The following NKAIN3 variants were observed in gnomAD, a reference collection of about 807,000 sequenced individuals.
NKAIN3 encodes the protein sodium/potassium-transporting ATPase subunit beta-1-interacting protein 3.
A neutral mutation model predicts 30.2 loss-of-function variants in NKAIN3; 25 were observed. That is an observed-to-expected ratio of 0.83 (90% CI 0.60 to 1.16). The LOEUF is 1.16. NKAIN3 is among the 50% of genes most tolerant of loss of function. The pLI is 0.00. For synonymous variants in NKAIN3, 91 were observed against 89.6 expected (o/e 1.02, Z -0.09); for missense variants, 225 against 254.1 (o/e 0.89, Z 0.78).
intron 1 of NKAIN3, among the ~76,000 whole-genome samples, chr8:62,555,870 A>G (rs900689402): frequency 3.9e-5 from 6 of 152,112 alleles, no homozygotes; most frequent in African/African-American, 1.4e-4. Flanking sequence ...CCAGAAGAAA[A>G]TAGTCACTTC....
At chr8:62,330,135 G>A (rs1323510278) in intron 1 of NKAIN3, among the ~76,000 whole-genome samples, 2 of 152,026 alleles carry the variant, frequency 1.3e-5, no homozygotes, top group African/African-American at 2.4e-5. Flanking sequence ...AAGAGAAAGG[G>A]TGAGCCAAGG....
intron 1 of NKAIN3, chr8:62,474,086 T>C (rs1353291326): frequency 6.6e-6 from 1 of 152,182 alleles, no homozygotes; most frequent in Non-Finnish European, 1.5e-5. Flanking sequence ...TGTTGTGGTC[T>C]TCAGTCAGAT....
At chr8:62,340,855 G>A (rs1815718165) in intron 1 of NKAIN3, among the ~76,000 whole-genome samples, 2 of 151,988 alleles carry the variant, frequency 1.3e-5, no homozygotes, top group Admixed American at 6.6e-5. Flanking sequence ...TTGTCAGGAA[G>A]AGGGCTTAGG....
At chr8:62,267,843 A>C (rs1421801684) in intron 1 of NKAIN3, among the ~76,000 whole-genome samples, 1 of 152,250 alleles carries the variant, frequency 6.6e-6, no homozygotes, top group Admixed American at 6.5e-5. Flanking sequence ...ATCTGCAAGT[A>C]GCCAAGTAAT....
chr8:62,408,050 G>T (rs1299952478), intron 1 of NKAIN3, among the ~76,000 whole-genome samples: 1 of 152,138 alleles, frequency 6.6e-6, no homozygotes, highest in Non-Finnish European at 1.5e-5. Context: ...ATGTTACAGA[G>T]TGAGACCCCA....
chr8:62,727,271 T>G (rs1815288237), intron 3 of NKAIN3, among the ~76,000 whole-genome samples: 1 of 152,102 alleles, frequency 6.6e-6, no homozygotes, highest in African/African-American at 2.4e-5. Context: ...CTACAATCTT[T>G]CCCACTAAGA....
chr8:62,447,224 A>G (rs928221105), intron 1 of NKAIN3, among the ~76,000 whole-genome samples: 1 of 152,066 alleles, frequency 6.6e-6, no homozygotes, highest in African/African-American at 2.4e-5. Context: ...TCCCTTTGAA[A>G]GGCAGTTTAA....
chr8:62,400,514 A>T (rs2129595192), intron 1 of NKAIN3, among the ~76,000 whole-genome samples: 1 of 152,106 alleles, frequency 6.6e-6, no homozygotes, highest in African/African-American at 2.4e-5. Context: ...GTTAAGATTG[A>T]CTAGAAGTAT....
At chr8:62,613,412 G>A (rs538475128) in intron 3 of NKAIN3, among the ~76,000 whole-genome samples, 1 of 152,176 alleles carries the variant, frequency 6.6e-6, no homozygotes, top group South Asian at 2.1e-4. Context: ...TCCTTTGTAT[G>A]TTATTCTTTT....
chr8:62,794,851 C>T (rs916653557), intron 4 of NKAIN3, among the ~76,000 whole-genome samples: 7 of 152,138 alleles, frequency 4.6e-5, no homozygotes, highest in African/African-American at 1.7e-4. Context: ...CTGAAGAGCA[C>T]AGCACTAGCT....
At chr8:62,444,432 C>T (rs1450696134) in intron 1 of NKAIN3, among the ~76,000 whole-genome samples, 1 of 152,118 alleles carries the variant, frequency 6.6e-6, no homozygotes, top group Non-Finnish European at 1.5e-5. Flanking sequence ...TACTCTCTAT[C>T]TCCATGAAAT....
At chr8:62,367,208 C>T (rs1343039916) in intron 1 of NKAIN3, among the ~76,000 whole-genome samples, 2 of 152,046 alleles carry the variant, frequency 1.3e-5, no homozygotes, top group Non-Finnish European at 2.9e-5. Flanking sequence ...GTTAGCATTA[C>T]CATAATAACA....
chr8:62,510,469 G>A (rs187650764), intron 1 of NKAIN3, among the ~76,000 whole-genome samples: 1 of 151,994 alleles, frequency 6.6e-6, no homozygotes, highest in African/African-American at 2.4e-5. Flanking sequence ...GACAACTCAC[G>A]GCAGTGCAGA....
At chr8:62,853,251 G>A (rs2130777614) in intron 4 of NKAIN3, among the ~76,000 whole-genome samples, 1 of 152,268 alleles carries the variant, frequency 6.6e-6, no homozygotes, top group East Asian at 1.9e-4. Context: ...TTTAAAGTCT[G>A]TTTTATCAGA....
At chr8:62,877,449 T>G (rs368805391) in intron 4 of NKAIN3, among the ~76,000 whole-genome samples, 12 of 152,268 alleles carry the variant, frequency 7.9e-5, no homozygotes, top group East Asian at 7.7e-4. Flanking sequence ...TGACTGCACT[T>G]CCCTTCAGGG....
intron 3 of NKAIN3, among the ~76,000 whole-genome samples, chr8:62,661,879 G>A (rs1318243128): frequency 6.6e-6 from 1 of 152,120 alleles, no homozygotes; most frequent in African/African-American, 2.4e-5. Flanking sequence ...GTTCCTGGGA[G>A]CCCAGCACCT....
intron 4 of NKAIN3, among the ~76,000 whole-genome samples, chr8:62,821,654 C>T (rs1818851384): frequency 1.3e-5 from 2 of 152,014 alleles, no homozygotes; most frequent in South Asian, 4.1e-4. Flanking sequence ...ACCTATGTGT[C>T]CTGATCTACA....
At chr8:62,998,467 G>A (rs887686747) in intron 5 of NKAIN3, among the ~76,000 whole-genome samples, 2 of 152,094 alleles carry the variant, frequency 1.3e-5, no homozygotes, top group Non-Finnish European at 2.9e-5. Context: ...TAGAGACGGG[G>A]TTTCACCATG....
rs11993778 is a variant in NKAIN3 at position 62,647,255 on chromosome 8, A to G, written c.273+57461A>G. ...CTGCAAAGGCATAAATGCATAGAGC[A>G]GTTGTCTAAAATTCTTGAGAGAAAA... On this transcript the variant is annotated intron_variant, in intron 3 of 6. Coordinates refer to ENST00000623646, the MANE Select transcript of NKAIN3 (RefSeq NM_001304533.3). Among the ~76,000 whole-genome samples, 1,431 of 152,330 alleles carry G rather than the reference A, an allele frequency of 9.4e-3. 15 individuals carry two copies. The highest frequency in any genetic ancestry group is 0.032 in the African/African-American group (1,328 of 41,584).
Sources: allele counts gnomAD v4.1 joint callset (sites outside exome capture counted in the v4.1 genomes callset), GRCh38; gene constraint gnomAD v4.1.1; transcripts MANE v1.5; gene names NCBI Gene and HGNC (gene_info 2026-07-23, HGNC 2026-07-21).